Variants in FGD3 observed in about 807,000 individuals in gnomAD.
The protein encoded by FGD3 is FYVE, RhoGEF and PH domain-containing protein 3.
Under a neutral mutation model 71.8 loss-of-function variants are expected in FGD3, and 45 were observed. The ratio of observed to expected loss-of-function variants is 0.63; its 90% CI spans 0.49 to 0.80. The LOEUF (loss-of-function observed/expected upper bound fraction) is 0.80, where lower values mean the gene tolerates loss of function less well. FGD3 is among the 30% of genes least tolerant of loss of function. FGD3 has a pLI of 0.00. For synonymous variants in FGD3, 378 were observed against 392.8 expected (o/e 0.96, Z 0.44); for missense variants, 844 against 951.5 (o/e 0.89, Z 1.49).
rs576888543 is a variant in FGD3, at chr9:93,035,544, G to C, written c.2133G>C (p.Pro711=). 6.2e-7 allele frequency: 1 copy of C among 1,605,918 alleles called. No individual in the cohort carries two copies. The highest frequency in any genetic ancestry group is 8.5e-7 in the Non-Finnish European group (1 of 1,177,804). ...ATGGGGACACGGCCCAGGACAGCCCGGGGGCCCTGCAGCTTCAGGTCCCTA... is the reference window on the plus strand; with the variant it reads ...ATGGGGACACGGCCCAGGACAGCCCCGGGGCCCTGCAGCTTCAGGTCCCTA... ...AAHGDTAQDS[P]GALQLQVPMG... Residue 711 remains proline (P), a synonymous_variant, in exon 18 of 18, where the codon CCG becomes CCC. Coordinates refer to ENST00000375482, the MANE Select transcript of FGD3 (RefSeq NM_001083536.2).
chr9:92,981,371 AAAAAAAAAAAAAAG>A (rs1310038330), intron 3 of FGD3, among the ~76,000 whole-genome samples: 1 of 150,406 alleles, frequency 6.6e-6, no homozygotes, highest in Non-Finnish European at 1.5e-5. Context: ...CCATCTCCAA[AAAAAAAAAAAAAAG>A]AAAAAAAAGA....
intron 8 of FGD3, among the ~76,000 whole-genome samples, 196 bp downstream of exon 8, chr9:93,011,468 G>C (rs1861375492): frequency 1.3e-5 from 2 of 152,180 alleles, no homozygotes; most frequent in South Asian, 4.1e-4. Context: ...CTGTGTCCTT[G>C]GTGAGTTATT....
At chr9:93,017,895 A>C (rs957383042) in intron 10 of FGD3, among the ~76,000 whole-genome samples, 2 of 152,076 alleles carry the variant, frequency 1.3e-5, no homozygotes, top group Non-Finnish European at 1.5e-5. Flanking sequence ...AGTTCCAAGC[A>C]CAGAAGATGA....
intron 6 of FGD3, among the ~76,000 whole-genome samples, chr9:93,007,293 A>G (rs1412678103): frequency 6.8e-6 from 1 of 147,472 alleles, no homozygotes; most frequent in Non-Finnish European, 1.5e-5. Flanking sequence ...GGGTTTCACC[A>G]TGTTAGCCAG....
chr9:92,947,828 A>AG (rs1858884078), intron 1 of FGD3, 99 bp downstream of exon 1: 1 of 152,510 alleles, frequency 6.6e-6, no homozygotes, highest in Non-Finnish European at 1.5e-5. Context: ...GCGGCTGAGC[A>AG]GGGCTTCTCC....
At chr9:92,953,182 T>C (rs1325800951) in intron 1 of FGD3, among the ~76,000 whole-genome samples, 1 of 152,212 alleles carries the variant, frequency 6.6e-6, no homozygotes, top group Admixed American at 6.5e-5. Context: ...TATTTTTTAA[T>C]GTATATCATT....
intron 2 of FGD3, among the ~76,000 whole-genome samples, 176 bp downstream of exon 2, chr9:92,975,581 G>C (rs1467662396): frequency 6.6e-6 from 1 of 152,190 alleles, no homozygotes; most frequent in Non-Finnish European, 1.5e-5. Context: ...CTTGAATTTG[G>C]TCCATGAGAG....
At chr9:92,978,282 C>CAA (rs372703604) in intron 3 of FGD3, among the ~76,000 whole-genome samples, 294 of 85,080 alleles carry the variant, frequency 3.5e-3, no homozygotes, top group Admixed American at 7.2e-3. Context: ...AACTCCATCT[C>CAA]AAAAAAAAAA....
In FGD3 at chr9:93,006,020, G is replaced by A. The variant is rs755534072; in HGVS notation, c.681-4G>A. ...TTTCTCTGATGATTCATTTCTCCACGAAGGGACACAAACCCACGGCTCGGG... is the reference window on the plus strand; with the variant it reads ...TTTCTCTGATGATTCATTTCTCCACAAAGGGACACAAACCCACGGCTCGGG... On this transcript the variant is annotated splice_polypyrimidine_tract_variant and splice_region_variant and intron_variant, in intron 5 of 17. Transcript: ENST00000375482. The A allele has an allele frequency of 2.8e-5, 45 of 1,593,220 alleles. No individual in the cohort carries two copies. The highest frequency in any genetic ancestry group is 6.7e-5 in the East Asian group (3 of 44,502).
At chr9:93,010,069 T>C (rs1375996333) in intron 6 of FGD3, among the ~76,000 whole-genome samples, 177 bp from the exon 7 acceptor site, 1 of 152,210 alleles carries the variant, frequency 6.6e-6, no homozygotes, top group Non-Finnish European at 1.5e-5. Context: ...TCAGTCTCTC[T>C]GAGCCTCAGT....
chr9:93,010,153 G>T, intron 6 of FGD3, 93 bp from the exon 7 acceptor site: 1 of 1,474,526 alleles, frequency 6.8e-7, no homozygotes. Flanking sequence ...CCAGTTCCGG[G>T]CAGCTTCCTG....
intron 1 of FGD3, among the ~76,000 whole-genome samples, chr9:92,955,529 T>C (rs886819251): frequency 2.6e-5 from 4 of 152,176 alleles, no homozygotes; most frequent in Non-Finnish European, 5.9e-5. Context: ...GTTGTTTAAT[T>C]AAACTTTTTA....
At chr9:92,980,174 C>T (rs141384135) in intron 3 of FGD3, among the ~76,000 whole-genome samples, 2 of 152,096 alleles carry the variant, frequency 1.3e-5, no homozygotes, top group African/African-American at 2.4e-5. Context: ...GCGTGTGCCA[C>T]CACGCCCAGC....
chr9:92,974,882 C>T (rs543096496), intron 1 of FGD3: 1 of 152,406 alleles, frequency 6.6e-6, no homozygotes, highest in South Asian at 2.1e-4. Context: ...CCCACCGGCT[C>T]ACCTCACACT....
At position 93,035,960 on chromosome 9, in the gene FGD3, C is replaced by T. The variant is rs1308938920; in HGVS notation, c.*371C>T. ...TCCTGCTGGTCTGCAGCGTGGTCCA[C>T]CCCGCCTCTGCCCAGCCTGTCTACA... On this transcript the variant is annotated 3_prime_UTR_variant, in exon 18 of 18. Coordinates refer to ENST00000375482, the MANE Select transcript of FGD3 (RefSeq NM_001083536.2). 12 of 222,256 alleles carry T rather than the reference C, an allele frequency of 5.4e-5. No homozygotes were observed. The East Asian group carries it at 1.3e-3, about 24-fold the overall frequency. The allele number at this position is 222,256 out of a possible 1,614,324, so 13.8% of individuals were successfully genotyped here. A position where few individuals can be genotyped will look rare whatever the true frequency, so the allele number is the denominator to read the frequency against.
Position 92,950,398 on chromosome 9 carries a change from G to A in FGD3, c.-218+2669G>A, listed in dbSNP as rs548206095. ...GGCCACTACACACTCCAGCCTGGGC[G>A]ACAGAGCAAGATTCCATCTCAAAAA... On this transcript the variant is annotated intron_variant, in intron 1 of 17. Coordinates refer to ENST00000375482, the MANE Select transcript of FGD3 (RefSeq NM_001083536.2). Among the ~76,000 whole-genome samples, 10 of 149,972 alleles carry A rather than the reference G, an allele frequency of 6.7e-5. No homozygotes were observed. The South Asian group carries it at 8.4e-4, about 13-fold the overall frequency.
intron 3 of FGD3, 134 bp from the exon 4 acceptor site, chr9:93,002,791 G>A (rs1245443885): frequency 3.9e-6 from 3 of 778,974 alleles, no homozygotes; most frequent in Non-Finnish European, 6.5e-6. Flanking sequence ...GGCCCCTCCT[G>A]CCCCTTCTCT....
At chr9:92,998,470 C>T (rs371430421) in intron 3 of FGD3, among the ~76,000 whole-genome samples, 7 of 152,258 alleles carry the variant, frequency 4.6e-5, no homozygotes, top group African/African-American at 7.2e-5. Context: ...AGCTTACTTT[C>T]GTCAACTCAC....
At chr9:92,971,899 G>C (rs1024211438) in intron 1 of FGD3, among the ~76,000 whole-genome samples, 17 of 151,428 alleles carry the variant, frequency 1.1e-4, no homozygotes, top group Non-Finnish European at 2.5e-4. Flanking sequence ...ATCCCACAAA[G>C]CTCTTGTGCT....
Sources: gnomAD v4.1 joint callset for allele counts (sites outside exome capture counted in the v4.1 genomes callset) on GRCh38, gnomAD v4.1.1 for gene constraint, MANE v1.5 for transcripts, NCBI Gene and HGNC (gene_info 2026-07-23, HGNC 2026-07-21) for gene names.